Variants in PRICKLE4 observed in about 807,000 individuals in gnomAD.
PRICKLE4 encodes prickle planar cell polarity protein 4, also known as prickle-like protein 4.
In PRICKLE4, 40 loss-of-function variants were observed where a neutral mutation model predicts 43.5. The observed-to-expected ratio is 0.92, with a 90% CI of 0.71 to 1.20. The LOEUF is 1.20. PRICKLE4 is among the 50% of genes most tolerant of loss of function. The pLI, the probability that PRICKLE4 is intolerant of heterozygous loss-of-function variation, is 0.00. For synonymous variants in PRICKLE4, 208 were observed against 197.4 expected (o/e 1.05, Z -0.45); for missense variants, 527 against 491.2 (o/e 1.07, Z -0.69).
At chr6:41,785,640 G>A (rs1772630496) in intron 6 of PRICKLE4, 100 bp downstream of exon 6, 2 of 1,305,738 alleles carry the variant, frequency 1.5e-6, no homozygotes, top group African/African-American at 1.5e-5. Context: ...CAGTATCAGG[G>A]AGTGGGGAGA....
chr6:41,782,383 CTTCTTTTTTTTTT>C (rs1420502105), intron 2 of PRICKLE4, among the ~76,000 whole-genome samples: 1 of 70,426 alleles, frequency 1.4e-5, no homozygotes, highest in Admixed American at 2.0e-4. Flanking sequence ...ATGGTCACTT[CTTCTTTTTTTTTT>C]TTTTTTTTTT....
At chr6:41,786,443 C>A in intron 7 of PRICKLE4, 111 bp downstream of exon 7, 19 of 1,235,056 alleles carry the variant, frequency 1.5e-5, no homozygotes, top group Non-Finnish European at 2.2e-5. Context: ...CCTCCAGGAG[C>A]GCCCCCACCG....
At position 41,787,075 on chromosome 6, in the gene PRICKLE4, A is replaced by T. The variant is rs766867494; in HGVS notation, c.1101A>T (p.Gly367=). 2 of 1,612,788 alleles carry T rather than the reference A, an allele frequency of 1.2e-6. No homozygotes were observed. The highest frequency in any genetic ancestry group is 2.2e-5 in the South Asian group (2 of 91,064). The change falls in exon 8 of 8, where the codon GGA becomes GGT. Residue 367 remains glycine (G), a synonymous_variant. Coordinates refer to ENST00000458694, the MANE Select transcript of PRICKLE4 (RefSeq NM_013397.6). The part of the protein sequence containing the change: ...ERLPQSWKTP[G]SLQAEDSNAS... ...TTCCCCAGTCCTGGAAGACCCCCGG[A>T]AGCCTCCAAGCAGAGGACAGCAACG...
chr6:41,786,728 C>G lies in PRICKLE4; in HGVS notation c.788-34C>G, dbSNP rs562401136. On this transcript the variant is annotated intron_variant, in intron 7 of 7. Coordinates refer to ENST00000458694, the MANE Select transcript of PRICKLE4 (RefSeq NM_013397.6). Reference sequence around the variant, plus strand: ...GCGGTGTAGGTCCAGCTCCGCGGCTCTGAGACCAGCGTTTCCGACCCGGCC... The same window carrying G: ...GCGGTGTAGGTCCAGCTCCGCGGCTGTGAGACCAGCGTTTCCGACCCGGCC... 7.4e-6 allele frequency: 12 copies of G among 1,612,440 alleles called. No homozygotes were observed. In the Admixed American group the frequency reaches 1.8e-4, roughly 25 times the overall value.
At chr6:41,785,262 C>G (rs1357690101) in intron 5 of PRICKLE4, 75 bp from the exon 6 acceptor site, 2 of 1,540,600 alleles carry the variant, frequency 1.3e-6, no homozygotes, top group South Asian at 1.1e-5. Flanking sequence ...AGGTTGGGAT[C>G]GGATTGCAAG....
intron 2 of PRICKLE4, among the ~76,000 whole-genome samples, chr6:41,781,996 G>C (rs1287031361): frequency 6.6e-6 from 1 of 151,432 alleles, no homozygotes; most frequent in East Asian, 1.9e-4. Context: ...ATTCTACCTG[G>C]TTTCATCTTT....
chr6:41,783,179 C>G (rs1300206610), intron 2 of PRICKLE4, among the ~76,000 whole-genome samples: 1 of 152,178 alleles, frequency 6.6e-6, no homozygotes, highest in Admixed American at 6.5e-5. Context: ...CCTCCTCTTA[C>G]CTCCATCCTG....
chr6:41,784,193 T>A lies in PRICKLE4; in HGVS notation c.195T>A (p.Thr65=). Residue 65 remains threonine (T), a synonymous_variant, in exon 4 of 8, where the codon ACT becomes ACA. Coordinates refer to ENST00000458694, the MANE Select transcript of PRICKLE4 (RefSeq NM_013397.6). ...ACACCAACCAAGCCCCCAACTGGAC[T>A]GGACTTCAGACCCTCCTGCAGCAAC... ...CLDTNQAPNW[T]GLQTLLQQLP... The A allele has an allele frequency of 1.9e-6, 3 of 1,614,128 alleles. No homozygotes were observed. The highest frequency in any genetic ancestry group is 1.7e-6 in the Non-Finnish European group (2 of 1,179,966).
At position 41,786,333 on chromosome 6, in the gene PRICKLE4, G is replaced by C; in HGVS notation, c.787+1G>C. 6.4e-7 allele frequency: 1 copy of C among 1,556,758 alleles called. No individual in the cohort carries two copies. The highest frequency in any genetic ancestry group is 8.7e-7 in the Non-Finnish European group (1 of 1,150,784). ...GCACTGGAAGGGCAGGCATTCCTTGGTAAGGGAGAGGATGCAGAGCAAAGC... is the reference window on the plus strand; with the variant it reads ...GCACTGGAAGGGCAGGCATTCCTTGCTAAGGGAGAGGATGCAGAGCAAAGC... On this transcript the variant is annotated splice_donor_variant, in intron 7 of 7. Coordinates refer to ENST00000458694, the MANE Select transcript of PRICKLE4 (RefSeq NM_013397.6). LOFTEE classifies it high-confidence loss of function.
chr6:41,787,192 G>A lies in PRICKLE4; in HGVS notation c.*63G>A. The A allele has an allele frequency of 6.6e-7, 1 of 1,515,822 alleles. No homozygotes were observed. The highest frequency in any genetic ancestry group is 2.3e-5 in the East Asian group (1 of 44,024). 93.9% of individuals were successfully genotyped at this position (1,515,822 alleles called of 1,614,324 possible). A position where few individuals can be genotyped will look rare whatever the true frequency, so the allele number is the denominator to read the frequency against. On this transcript the variant is annotated 3_prime_UTR_variant, in exon 8 of 8. Transcript: ENST00000458694. ...GGGGTCTGTAAAGCGGGAGAACAAG[G>A]CTAGCCTCCCCCTAACAATCCTAGA...
At chr6:41,786,034 C>A in intron 6 of PRICKLE4, 94 bp from the exon 7 acceptor site, 1 of 1,329,944 alleles carries the variant, frequency 7.5e-7, no homozygotes, top group South Asian at 1.3e-5. Context: ...TGCAGACGTG[C>A]TTTAGCGTTA....
intron 7 of PRICKLE4, 88 bp from the exon 8 acceptor site, chr6:41,786,674 C>T: frequency 6.3e-7 from 1 of 1,587,164 alleles, no homozygotes; most frequent in South Asian, 1.1e-5. Context: ...CTGGGCGGGG[C>T]GGGAGGCTGG....
Position 41,785,065 on chromosome 6 carries a change from G to C in PRICKLE4, c.371G>C (p.Cys124Ser). 4 of 1,613,578 alleles carry C rather than the reference G, an allele frequency of 2.5e-6. No individual in the cohort carries two copies. The highest frequency in any genetic ancestry group is 3.4e-6 in the Non-Finnish European group (4 of 1,179,780). ...CTTCCCAAGCTTGAAGGACACACCT[G>C]TGAGAAGGTATGTAGCACCCCTCCC... The part of the protein sequence containing the change: ...LVLPKLEGHT[C>S]EKCRELLKPG... The change falls in exon 5 of 8, where the codon TGT becomes TCT. Residue 124 changes from cysteine (C) to serine (S), a missense_variant. Cys to Ser is a moderately radical substitution (Grantham distance 112). Transcript: ENST00000458694.
In PRICKLE4 at chr6:41,787,111, G is replaced by A; in HGVS notation, c.1137G>A (p.Thr379=). ...CAGAGGACAGCAACGCCTCTAAGAC[G>A]CACTGCACCATGTGCTAGTGGCGCA... ...LQAEDSNASK[T]HCTMC The change falls in exon 8 of 8, where the codon ACG becomes ACA. Residue 379 remains threonine, a synonymous_variant. Coordinates refer to ENST00000458694, the MANE Select transcript of PRICKLE4 (RefSeq NM_013397.6). 1 of 1,606,926 alleles carries A rather than the reference G, an allele frequency of 6.2e-7. No homozygotes were observed. Among genetic ancestry groups the A allele is most frequent in the Non-Finnish European group, 8.5e-7 (1 of 1,178,842 alleles).
At chr6:41,785,664 C>A in intron 6 of PRICKLE4, 124 bp downstream of exon 6, 1 of 1,031,940 alleles carries the variant, frequency 9.7e-7, no homozygotes, top group Non-Finnish European at 1.4e-6. Context: ...AGGAACCAGC[C>A]TGGGACTACC....
intron 7 of PRICKLE4, 130 bp from the exon 8 acceptor site, chr6:41,786,632 C>A (rs10947987): frequency 7.1e-6 from 10 of 1,411,748 alleles, no homozygotes; most frequent in Non-Finnish European, 9.4e-6. Flanking sequence ...CGAGGACTCT[C>A]GGCGGCGGCG....
At chr6:41,786,701 C>G (rs929154037) in intron 7 of PRICKLE4, 61 bp from the exon 8 acceptor site, 6 of 1,609,002 alleles carry the variant, frequency 3.7e-6, no homozygotes, top group Admixed American at 1.7e-5. Flanking sequence ...CCCCCACTAG[C>G]TGCGGTGTAG....
intron 6 of PRICKLE4, 81 bp downstream of exon 6, chr6:41,785,621 A>G: frequency 7.1e-7 from 1 of 1,403,450 alleles, no homozygotes; most frequent in Non-Finnish European, 9.7e-7. Flanking sequence ...CCTGGGCCAC[A>G]GTTTCTCCCA....
In PRICKLE4 at chr6:41,787,197, C is replaced by T; in HGVS notation, c.*68C>T. ...CTGTAAAGCGGGAGAACAAGGCTAGCCTCCCCCTAACAATCCTAGACTGAG... is the reference window on the plus strand; with the variant it reads ...CTGTAAAGCGGGAGAACAAGGCTAGTCTCCCCCTAACAATCCTAGACTGAG... On this transcript the variant is annotated 3_prime_UTR_variant, in exon 8 of 8. Transcript: ENST00000458694. The T allele has an allele frequency of 6.6e-7, 1 of 1,509,628 alleles. No individual in the cohort carries two copies. The highest frequency in any genetic ancestry group is 8.8e-7 in the Non-Finnish European group (1 of 1,137,940). 93.5% of individuals were successfully genotyped at this position (1,509,628 alleles called of 1,614,324 possible).
Sources: allele counts gnomAD v4.1 joint callset (sites outside exome capture counted in the v4.1 genomes callset), GRCh38; gene constraint gnomAD v4.1.1; transcripts MANE v1.5; gene names NCBI Gene and HGNC (gene_info 2026-07-23, HGNC 2026-07-21).